FBXW8: variants seen among roughly 807,000 people sequenced by gnomAD.
FBXW8 encodes the protein F-box and WD repeat domain containing 8.
FBXW8 carries 57 observed loss-of-function variants against 65.3 expected under a neutral mutation model. That is an observed-to-expected ratio of 0.87 (90% CI 0.71 to 1.09). The LOEUF (loss-of-function observed/expected upper bound fraction) is 1.09. Among genes scored for constraint, FBXW8 ranks in the 50% least tolerant of loss-of-function variants. The pLI is 0.00. For synonymous variants in FBXW8, 308 were observed against 330.2 expected, an observed-to-expected ratio of 0.93 and a Z score of 0.73; for missense variants, 777 against 814.8, an observed-to-expected ratio of 0.95 and a Z score of 0.57.
intron 2 of FBXW8, among the ~76,000 whole-genome samples, chr12:116,929,381 C>T (rs1324272586): frequency 6.6e-6 from 1 of 151,966 alleles, no homozygotes; most frequent in Non-Finnish European, 1.5e-5. Context: ...ATTACAGGCT[C>T]ATGCCACCAC....
intron 2 of FBXW8, among the ~76,000 whole-genome samples, chr12:116,940,269 A>T (rs185085345): frequency 0.019 from 2,762 of 146,668 alleles, 38 homozygotes; most frequent in Middle Eastern, 0.038. Context: ...TTTTTTTTTT[A>T]AATAATTAAG....
chr12:116,989,384 T>C (rs765161927), intron 7 of FBXW8, among the ~76,000 whole-genome samples: 3 of 152,344 alleles, frequency 2.0e-5, no homozygotes, highest in Middle Eastern at 3.4e-3. Context: ...ACAATGCATA[T>C]TGCAGCTTGC....
In FBXW8 at chr12:116,952,005, T is replaced by G. The variant is rs541565078; in HGVS notation, c.677+2299T>G. 2.0e-5 allele frequency among the ~76,000 whole-genome samples: 3 copies of G among 152,366 alleles called. No homozygotes were observed. In the South Asian group the frequency reaches 6.2e-4, roughly 32 times the overall value. ...CTACAGTCTTACAAATAATTTCTAG[T>G]TAACTTTTCCTGACATTCAAAGCTC... On this transcript the variant is annotated intron_variant, in intron 4 of 10. Transcript: ENST00000652555.
chr12:117,000,771 C>T (rs139000065), intron 7 of FBXW8, among the ~76,000 whole-genome samples: 2 of 152,334 alleles, frequency 1.3e-5, no homozygotes, highest in African/African-American at 4.8e-5. Flanking sequence ...TATCTTACAG[C>T]ACTGTGGAGG....
chr12:116,914,408 C>A (rs1037012942), intron 1 of FBXW8, among the ~76,000 whole-genome samples: 1 of 149,160 alleles, frequency 6.7e-6, no homozygotes, highest in Non-Finnish European at 1.5e-5. Flanking sequence ...CGTAGAGAAA[C>A]CCCATCTCTA....
At chr12:117,021,690 G>GA (rs1417902877) in intron 8 of FBXW8, among the ~76,000 whole-genome samples, 3 of 152,148 alleles carry the variant, frequency 2.0e-5, no homozygotes, top group African/African-American at 7.2e-5. Context: ...CTGTGTTACT[G>GA]AATTCTCTGG....
intron 1 of FBXW8, among the ~76,000 whole-genome samples, chr12:116,918,135 A>G (rs1050600127): frequency 3.9e-5 from 6 of 152,216 alleles, no homozygotes; most frequent in African/African-American, 1.4e-4. Context: ...TAGAGTTCTT[A>G]GTATAAGTAA....
chr12:116,940,314 C>T (rs1389870199), intron 2 of FBXW8, among the ~76,000 whole-genome samples: 1 of 141,244 alleles, frequency 7.1e-6, no homozygotes, highest in African/African-American at 2.7e-5. Flanking sequence ...TTGCAGATGA[C>T]TTATGGATGG....
chr12:117,006,941 T>C (rs1953691219), intron 7 of FBXW8, among the ~76,000 whole-genome samples: 1 of 152,200 alleles, frequency 6.6e-6, no homozygotes, highest in South Asian at 2.1e-4. Context: ...TCTATAGGTA[T>C]TGACACGTAG....
chr12:116,951,331 A>C (rs1883269972), intron 4 of FBXW8: 1 of 152,124 alleles, frequency 6.6e-6, no homozygotes, highest in Admixed American at 6.6e-5. Flanking sequence ...GGTGGTTACG[A>C]TGCTTGTTTT....
intron 4 of FBXW8, among the ~76,000 whole-genome samples, chr12:116,958,673 A>G (rs1302654490): frequency 6.6e-6 from 1 of 152,196 alleles, no homozygotes; most frequent in Non-Finnish European, 1.5e-5. Flanking sequence ...CATGCTAGGG[A>G]GAGGCACCTC....
chr12:116,980,663 C>G (rs1885244026), intron 5 of FBXW8, among the ~76,000 whole-genome samples: 1 of 152,136 alleles, frequency 6.6e-6, no homozygotes, highest in Non-Finnish European at 1.5e-5. Context: ...ATTTCCTTGA[C>G]CCTGACAGGC....
intron 5 of FBXW8, chr12:116,978,205 G>A (rs892700160): frequency 9.2e-5 from 14 of 152,158 alleles, no homozygotes; most frequent in Non-Finnish European, 1.2e-4. Context: ...TTCCTTTTTC[G>A]TGACCCTCCG....
At chr12:116,987,169 C>T (rs7137752) in intron 6 of FBXW8, 104,250 of 152,180 alleles carry the variant, frequency 0.69, 40,123 homozygotes, top group Non-Finnish European at 0.84. Context: ...CCGCAGCTTG[C>T]GGAGCTGGGC....
chr12:117,014,548 C>G (rs1401884191), intron 8 of FBXW8, among the ~76,000 whole-genome samples: 1 of 152,208 alleles, frequency 6.6e-6, no homozygotes, highest in African/African-American at 2.4e-5. Flanking sequence ...GTTTTATACA[C>G]TCTGGATCCT....
At chr12:117,016,961 C>T (rs114399197) in intron 8 of FBXW8, among the ~76,000 whole-genome samples, 402 of 152,272 alleles carry the variant, frequency 2.6e-3, no homozygotes, top group African/African-American at 6.3e-3. Flanking sequence ...GGGGTTATTC[C>T]GGACTCTCAG....
intron 5 of FBXW8, among the ~76,000 whole-genome samples, chr12:116,973,932 C>T (rs1291530209): frequency 2.6e-5 from 4 of 152,228 alleles, no homozygotes; most frequent in East Asian, 3.8e-4. Flanking sequence ...TATCTTTCCA[C>T]CTTAACTAGA....
At position 116,911,166 on chromosome 12, in the gene FBXW8, C is replaced by T. The variant is rs755492051; in HGVS notation, c.129C>T (p.Ser43=). 1.3e-4 allele frequency: 177 copies of T among 1,331,888 alleles called. No individual in the cohort carries two copies. Among genetic ancestry groups the T allele is most frequent in the Middle Eastern group, 2.7e-4 (1 of 3,672 alleles). 82.5% of individuals were successfully genotyped at this position (1,331,888 alleles called of 1,614,324 possible). Reference sequence around the variant, plus strand: ...GGGCTCGGCGGCCGGAGGTGGGCTCCGGGCGCGGCGAACAGGCCTCGGGGG... The same window carrying T: ...GGGCTCGGCGGCCGGAGGTGGGCTCTGGGCGCGGCGAACAGGCCTCGGGGG... ...ERRARRPEVG[S]GRGEQASGDP... Residue 43 remains serine, a synonymous_variant, in exon 1 of 11, where the codon TCC becomes TCT. Transcript: ENST00000652555.
intron 8 of FBXW8, among the ~76,000 whole-genome samples, chr12:117,016,970 A>G (rs1565943570): frequency 6.6e-6 from 1 of 152,210 alleles, no homozygotes; most frequent in Non-Finnish European, 1.5e-5. Context: ...CCGGACTCTC[A>G]GTTCTGTTCT....
Sources: allele counts gnomAD v4.1 joint callset (sites outside exome capture counted in the v4.1 genomes callset), GRCh38; gene constraint gnomAD v4.1.1; transcripts MANE v1.5; gene names NCBI Gene and HGNC (gene_info 2026-07-23, HGNC 2026-07-21).